The following NTM variants were observed in gnomAD, a reference collection of about 807,000 sequenced individuals.
NTM encodes IgLON family member 2.
A neutral mutation model predicts 42.1 loss-of-function variants in NTM; 13 were observed. That is an observed-to-expected ratio of 0.31 (90% CI 0.20 to 0.49). The LOEUF (loss-of-function observed/expected upper bound fraction) is 0.49. NTM is among the 20% of genes least tolerant of loss of function. The pLI is 0.99. For synonymous variants in NTM, 187 were observed against 179.2 expected (o/e 1.04, Z -0.35); for missense variants, 373 against 452.8 (o/e 0.82, Z 1.60).
intron 1 of NTM, among the ~76,000 whole-genome samples, chr11:131,596,394 G>A (rs1469841909): frequency 1.3e-5 from 2 of 152,220 alleles, no homozygotes; most frequent in Non-Finnish European, 2.9e-5. Context: ...TGGCATCACG[G>A]CATCGTAGGT....
At chr11:131,479,572 G>A (rs1230122224) in intron 1 of NTM, among the ~76,000 whole-genome samples, 2 of 152,210 alleles carry the variant, frequency 1.3e-5, no homozygotes, top group Non-Finnish European at 2.9e-5. Context: ...TTGGGCCCTA[G>A]AGAGCACCAT....
chr11:131,528,227 T>C (rs2050772117), intron 1 of NTM, among the ~76,000 whole-genome samples: 4 of 152,220 alleles, frequency 2.6e-5, no homozygotes, highest in Admixed American at 2.6e-4. Flanking sequence ...CATCTTGGTC[T>C]GGGAATATGC....
At chr11:132,318,066 T>TCAGA (rs2095476195) in intron 7 of NTM, among the ~76,000 whole-genome samples, 1 of 151,988 alleles carries the variant, frequency 6.6e-6, no homozygotes, top group African/African-American at 2.4e-5. Context: ...AGCAGCAGAG[T>TCAGA]CAGACACCAA....
intron 1 of NTM, among the ~76,000 whole-genome samples, chr11:131,509,089 A>C (rs540314): frequency 0.28 from 41,919 of 152,108 alleles, 6,015 homozygotes; most frequent in Middle Eastern, 0.39. Flanking sequence ...ACTCAACCCC[A>C]AAATTTTGTA....
chr11:131,692,488 C>T (rs2135047448), intron 1 of NTM, among the ~76,000 whole-genome samples: 1 of 152,386 alleles, frequency 6.6e-6, no homozygotes, highest in South Asian at 2.1e-4. Flanking sequence ...CCTAGACCAT[C>T]TCCCAGGCAG....
intron 2 of NTM, among the ~76,000 whole-genome samples, chr11:132,120,951 T>A (rs2064712679): frequency 6.6e-6 from 1 of 152,176 alleles, no homozygotes; most frequent in Non-Finnish European, 1.5e-5. Context: ...AGAGAGCACG[T>A]ACACTCGTGA....
At chr11:132,259,961 C>T (rs1392462608) in intron 4 of NTM, among the ~76,000 whole-genome samples, 1 of 151,966 alleles carries the variant, frequency 6.6e-6, no homozygotes, top group Non-Finnish European at 1.5e-5. Flanking sequence ...GTTGATCAGG[C>T]TGGTCTCGAA....
At chr11:132,330,989 A>T (rs2095792109) in intron 8 of NTM, among the ~76,000 whole-genome samples, 1 of 152,148 alleles carries the variant, frequency 6.6e-6, no homozygotes, top group Non-Finnish European at 1.5e-5. Context: ...ATCTCATCTC[A>T]TGGAATCCTT....
intron 2 of NTM, among the ~76,000 whole-genome samples, chr11:131,999,960 G>A (rs2068854940): frequency 6.6e-6 from 1 of 152,046 alleles, no homozygotes; most frequent in Non-Finnish European, 1.5e-5. Flanking sequence ...GCGTACTAGT[G>A]ATTTCTAACA....
chr11:131,806,383 G>T (rs2092481790), intron 1 of NTM, among the ~76,000 whole-genome samples: 1 of 152,120 alleles, frequency 6.6e-6, no homozygotes, highest in African/African-American at 2.4e-5. Context: ...CACTTAGATT[G>T]CAATGTTGAT....
chr11:131,402,815 C>T (rs780336111), intron 1 of NTM, among the ~76,000 whole-genome samples: 49 of 152,274 alleles, frequency 3.2e-4, no homozygotes, highest in Middle Eastern at 3.4e-3. Context: ...CTGTAGTACC[C>T]TAGAGATGCT....
At chr11:132,150,275 T>C (rs1191274561) in intron 3 of NTM, among the ~76,000 whole-genome samples, 1 of 152,176 alleles carries the variant, frequency 6.6e-6, no homozygotes, top group Non-Finnish European at 1.5e-5. Flanking sequence ...TATCTATTTA[T>C]GCTCCATCCC....
intron 1 of NTM, among the ~76,000 whole-genome samples, chr11:131,631,179 C>T (rs1475862619): frequency 6.6e-6 from 1 of 152,130 alleles, no homozygotes; most frequent in Non-Finnish European, 1.5e-5. Flanking sequence ...CAGATTTGCA[C>T]CCGTTAAATG....
chr11:131,724,696 A>T (rs371851084), intron 1 of NTM, among the ~76,000 whole-genome samples: 1 of 152,282 alleles, frequency 6.6e-6, no homozygotes, highest in East Asian at 1.9e-4. Flanking sequence ...ATGCCTGAGA[A>T]AAGAAAGGAA....
At chr11:131,903,482 A>T (rs1405590945) in intron 1 of NTM, among the ~76,000 whole-genome samples, 1 of 152,228 alleles carries the variant, frequency 6.6e-6, no homozygotes, top group African/African-American at 2.4e-5. Context: ...TTATCAGAAG[A>T]CTTTTAATCA....
At chr11:131,716,786 G>T (rs1086220) in intron 1 of NTM, among the ~76,000 whole-genome samples, 1 of 151,842 alleles carries the variant, frequency 6.6e-6, no homozygotes, top group Non-Finnish European at 1.5e-5. Context: ...TATTTCACTG[G>T]CCTATTTTTC....
chr11:132,291,605 G>T (rs2094452593), intron 4 of NTM, among the ~76,000 whole-genome samples: 1 of 152,096 alleles, frequency 6.6e-6, no homozygotes, highest in African/African-American at 2.4e-5. Context: ...AAATGATATT[G>T]CCTGGGAAAT....
intron 2 of NTM, among the ~76,000 whole-genome samples, chr11:131,935,511 T>C (rs2059113257): frequency 6.6e-6 from 1 of 152,126 alleles, no homozygotes; most frequent in Non-Finnish European, 1.5e-5. Flanking sequence ...TGGAGTTATG[T>C]TGGAATTGGA....
intron 1 of NTM, among the ~76,000 whole-genome samples, chr11:131,407,759 C>G (rs1345100819): frequency 6.6e-6 from 1 of 152,196 alleles, no homozygotes; most frequent in African/African-American, 2.4e-5. Flanking sequence ...GGCTTTGCAG[C>G]TGGAACCAGG....
Sources: gnomAD v4.1 joint callset for allele counts (sites outside exome capture counted in the v4.1 genomes callset) on GRCh38, gnomAD v4.1.1 for gene constraint, MANE v1.5 for transcripts, NCBI Gene and HGNC (gene_info 2026-07-23, HGNC 2026-07-21) for gene names.